CNDP2: variants seen among roughly 807,000 people sequenced by gnomAD.
The protein encoded by CNDP2 is cytosolic non-specific dipeptidase.
Under a neutral mutation model 55.0 loss-of-function variants are expected in CNDP2, and 38 were observed. That is an observed-to-expected ratio of 0.69 (90% CI 0.53 to 0.90). CNDP2 has a LOEUF of 0.90. Ranked by LOEUF, CNDP2 falls within the 40% of genes least tolerant of loss-of-function variation. CNDP2 has a pLI of 0.00. For synonymous variants in CNDP2, 241 were observed against 260.2 expected (o/e 0.93, Z 0.71); for missense variants, 607 against 621.7 (o/e 0.98, Z 0.25).
At chr18:74,507,758 G>A (rs1979112306) in intron 4 of CNDP2, 1 of 152,386 alleles carries the variant, frequency 6.6e-6, no homozygotes, top group Non-Finnish European at 1.5e-5. Context: ...GAACCTAGAA[G>A]AGCACCTGTA....
At chr18:74,510,692 C>T (rs1307872376) in intron 5 of CNDP2, 121 bp from the exon 6 acceptor site, 19 of 829,736 alleles carry the variant, frequency 2.3e-5, no homozygotes, top group South Asian at 5.1e-5. Flanking sequence ...CAGGTGCACA[C>T]GGAGGCCCAT....
chr18:74,509,055 C>G, intron 5 of CNDP2, 127 bp downstream of exon 5: 1 of 704,750 alleles, frequency 1.4e-6, no homozygotes, highest in East Asian at 2.7e-5. Flanking sequence ...TCCCCCAGCC[C>G]TTATCAGCAC....
chr18:74,506,114 A>C, intron 4 of CNDP2, 103 bp downstream of exon 4: 1 of 988,894 alleles, frequency 1.0e-6, no homozygotes. Context: ...TTTTTATTTT[A>C]TTTTATTTAT....
chr18:74,501,239 G>T, intron 2 of CNDP2, 90 bp from the exon 3 acceptor site: 1 of 1,519,504 alleles, frequency 6.6e-7, no homozygotes, highest in Non-Finnish European at 8.8e-7. Context: ...GCCACAGAGG[G>T]TGAGCCTGGA....
chr18:74,515,592 G>A (rs969754883), intron 8 of CNDP2, among the ~76,000 whole-genome samples: 3 of 152,162 alleles, frequency 2.0e-5, no homozygotes, highest in Non-Finnish European at 2.9e-5. Context: ...CCCTTTGGGG[G>A]CACACCTACT....
chr18:74,519,077 C>A lies in CNDP2; in HGVS notation c.1339C>A (p.Gln447Lys). 1 of 1,609,956 alleles carries A rather than the reference C, an allele frequency of 6.2e-7. No homozygotes were observed. Among genetic ancestry groups the A allele is most frequent in the Non-Finnish European group, 8.5e-7 (1 of 1,176,728 alleles). Residue 447 changes from glutamine to lysine, a missense_variant, in exon 11 of 12, where the codon CAG (glutamine) becomes AAG (lysine). Coordinates refer to ENST00000324262, the MANE Select transcript of CNDP2 (RefSeq NM_018235.3). Reference protein sequence around the residue: ...VGSADDGAHSQNEKLNRYNYI... With the variant: ...VGSADDGAHSKNEKLNRYNYI... Reference sequence around the variant, plus strand: ...GTCAGCGGATGACGGAGCCCACTCCCAGAATGAAAAGCTCAACAGGTGAGA... The same window carrying A: ...GTCAGCGGATGACGGAGCCCACTCCAAGAATGAAAAGCTCAACAGGTGAGA...
At chr18:74,515,211 A>C (rs1429929679) in intron 8 of CNDP2, among the ~76,000 whole-genome samples, 1 of 152,082 alleles carries the variant, frequency 6.6e-6, no homozygotes, top group Non-Finnish European at 1.5e-5. Context: ...AGTTCATCAG[A>C]TCTCACATTG....
At position 74,517,095 on chromosome 18, in the gene CNDP2, C is replaced by T. The variant is rs77628058; in HGVS notation, c.1068+703C>T. 2.8e-3 allele frequency: 432 copies of T among 152,334 alleles called. 2 individuals are homozygous for T. The highest frequency in any genetic ancestry group is 0.02 in the Middle Eastern group (6 of 294). 9.4% of individuals were successfully genotyped at this position (152,334 alleles called of 1,614,324 possible). The stretch of plus-strand genomic sequence containing the variant: ...GCAGCTGTGGCATCTGACGAGGGTT[C>T]CTCCTGGCCGTGGCCGCTGGCCTCG... On this transcript the variant is annotated intron_variant, in intron 9 of 11. Transcript: ENST00000324262.
chr18:74,518,720 G>A (rs1979868492), intron 10 of CNDP2, 80 bp downstream of exon 10: 2 of 1,577,972 alleles, frequency 1.3e-6, no homozygotes, highest in Admixed American at 1.7e-5. Context: ...GCGTGGGCGT[G>A]TAGCTATGTC....
chr18:74,522,426 T>C lies in CNDP2; in HGVS notation c.*2358T>C, dbSNP rs978604420. The C allele has an allele frequency of 6.6e-6, 1 of 152,260 alleles. No individual in the cohort carries two copies. The allele number at this position is 152,260 out of a possible 1,614,324, so 9.4% of individuals were successfully genotyped here. On this transcript the variant is annotated 3_prime_UTR_variant, in exon 12 of 12. Transcript: ENST00000324262. Reference sequence around the variant, plus strand: ...CGAGCTGCATATGGGCCCCCGTTAGTCAGGAACCCATGCTGAGAGGTGCTA... The same window carrying C: ...CGAGCTGCATATGGGCCCCCGTTAGCCAGGAACCCATGCTGAGAGGTGCTA...
intron 1 of CNDP2, chr18:74,499,460 G>A (rs1978570302): frequency 6.5e-6 from 1 of 153,352 alleles, no homozygotes; most frequent in Admixed American, 6.5e-5. Context: ...GGTTTTCCTT[G>A]GGCTCTGTCG....
intron 5 of CNDP2, among the ~76,000 whole-genome samples, chr18:74,510,350 A>T (rs59622498): frequency 0.022 from 3,356 of 152,246 alleles, 123 homozygotes; most frequent in African/African-American, 0.074. Context: ...TCGGGAGAGC[A>T]CCTGCAAAGC....
intron 2 of CNDP2, chr18:74,501,063 T>G: frequency 2.7e-6 from 2 of 751,952 alleles, no homozygotes; most frequent in Non-Finnish European, 3.4e-6. Flanking sequence ...CTGTCTTTGA[T>G]TTCACTTCCT....
intron 8 of CNDP2, among the ~76,000 whole-genome samples, chr18:74,514,116 T>A (rs1599069495): frequency 6.6e-6 from 1 of 152,228 alleles, no homozygotes; most frequent in African/African-American, 2.4e-5. Flanking sequence ...GTCATGACTT[T>A]TCTCTTAATA....
At position 74,505,334 on chromosome 18, in the gene CNDP2, C is replaced by T. The variant is rs147098469; in HGVS notation, c.205-515C>T. 9.6e-3 allele frequency: 1,460 copies of T among 152,740 alleles called. 21 individuals are homozygous for T. Among genetic ancestry groups the T allele is most frequent in the South Asian group, 0.055 (268 of 4,868 alleles). 9.5% of individuals were successfully genotyped at this position (152,740 alleles called of 1,614,324 possible). A position where few individuals can be genotyped will look rare whatever the true frequency, so the allele number is the denominator to read the frequency against. On this transcript the variant is annotated intron_variant, in intron 3 of 11. Transcript: ENST00000324262. ...CCAAATCCAGCCAGGTGCAGTGGCT[C>T]ATGCTTGTAATTCTAGCACTTTGGA...
At chr18:74,518,124 G>A (rs189059557) in intron 9 of CNDP2, 2,077 of 159,476 alleles carry the variant, frequency 0.013, 40 homozygotes, top group African/African-American at 0.044. Flanking sequence ...AGCCGGGTGT[G>A]GTGGCGGGCG....
intron 5 of CNDP2, among the ~76,000 whole-genome samples, chr18:74,510,027 C>T (rs2144594699): frequency 6.6e-6 from 1 of 152,334 alleles, no homozygotes; most frequent in South Asian, 2.1e-4. Flanking sequence ...AACCTCTGGC[C>T]CCGTGGAGCC....
At position 74,518,390 on chromosome 18, in the gene CNDP2, C is replaced by G. The variant is rs1599073587; in HGVS notation, c.1069-109C>G. The G allele has an allele frequency of 3.1e-6, 4 of 1,293,382 alleles. No individual in the cohort carries two copies. The Admixed American group carries it at 5.5e-5, about 18-fold the overall frequency. 80.1% of individuals were successfully genotyped at this position (1,293,382 alleles called of 1,614,324 possible). A position where few individuals can be genotyped will look rare whatever the true frequency, so the allele number is the denominator to read the frequency against. The stretch of plus-strand genomic sequence containing the variant: ...GACCCATCACAGACCTGTCAGAGGC[C>G]GATTGTAAGCTCGCTGTAGACCCAT... On this transcript the variant is annotated intron_variant, in intron 9 of 11. Coordinates refer to ENST00000324262, the MANE Select transcript of CNDP2 (RefSeq NM_018235.3).
intron 2 of CNDP2, among the ~76,000 whole-genome samples, chr18:74,500,853 C>T (rs8096536): frequency 6.6e-6 from 1 of 152,208 alleles, no homozygotes; most frequent in Non-Finnish European, 1.5e-5. Context: ...TTGATTTGAG[C>T]AAGCAGGCAG....
Sources: gnomAD v4.1 joint callset for allele counts (sites outside exome capture counted in the v4.1 genomes callset) on GRCh38, gnomAD v4.1.1 for gene constraint, MANE v1.5 for transcripts, NCBI Gene and HGNC (gene_info 2026-07-23, HGNC 2026-07-21) for gene names.